TMPRSS11F: variants seen among roughly 807,000 people sequenced by gnomAD.
TMPRSS11F encodes transmembrane serine protease 11F.
A neutral mutation model predicts 60.2 loss-of-function variants in TMPRSS11F; 47 were observed. The ratio of observed to expected loss-of-function variants is 0.78; its 90% CI spans 0.62 to 1.00. The LOEUF is 1.00. TMPRSS11F is among the 50% of genes least tolerant of loss of function. TMPRSS11F has a pLI of 0.00. For synonymous variants in TMPRSS11F, 166 were observed against 167.3 expected, an observed-to-expected ratio of 0.99 and a Z score of 0.06; for missense variants, 519 against 522.9, an observed-to-expected ratio of 0.99 and a Z score of 0.07.
Position 68,079,029 on chromosome 4 carries a change from C to A in TMPRSS11F, c.283-5020G>T, listed in dbSNP as rs182627770. On this transcript the variant is annotated intron_variant, in intron 3 of 9. Transcript: ENST00000356291. ...AATGTGATATTAACAAACCATAGTC[C>A]CCCAATGCATCAACCTCTATTTAAA... 3.0e-3 allele frequency among the ~76,000 whole-genome samples: 289 copies of A among 97,786 alleles called. 11 individuals carry two copies. Among genetic ancestry groups the A allele is most frequent in the African/African-American group, 8.6e-3 (284 of 32,866 alleles). 64.2% of individuals were successfully genotyped at this position (97,786 alleles called of 152,430 possible).
Position 68,113,798 on chromosome 4 carries a change from A to G in TMPRSS11F, c.12-14760T>C, listed in dbSNP as rs189960623. Among the ~76,000 whole-genome samples the G allele has an allele frequency of 9.7e-4, 148 of 152,276 alleles. No homozygotes were observed. In the Middle Eastern group the frequency reaches 0.02, roughly 21 times the overall value. ...CCATCTTGACCTAGTTGACATTTATAGAACACTCCACCCAACAACAGCATA... is the reference window on the plus strand; with the variant it reads ...CCATCTTGACCTAGTTGACATTTATGGAACACTCCACCCAACAACAGCATA... On this transcript the variant is annotated intron_variant, in intron 1 of 9. Coordinates refer to ENST00000356291, the MANE Select transcript of TMPRSS11F (RefSeq NM_207407.2).
chr4:68,128,643 T>C (rs1724759666), intron 1 of TMPRSS11F, among the ~76,000 whole-genome samples: 1 of 152,134 alleles, frequency 6.6e-6, no homozygotes, highest in Admixed American at 6.5e-5. Flanking sequence ...TCCAAATTTT[T>C]CTAATTTTTT....
intron 1 of TMPRSS11F, among the ~76,000 whole-genome samples, chr4:68,102,309 G>A (rs572143843): frequency 2.1e-4 from 32 of 152,136 alleles, no homozygotes; most frequent in Non-Finnish European, 3.7e-4. Flanking sequence ...ACCAGATGAC[G>A]ATTTCATTTC....
At chr4:68,129,695 T>G in intron 1 of TMPRSS11F, 115 bp downstream of exon 1, 1 of 933,026 alleles carries the variant, frequency 1.1e-6, no homozygotes, top group Non-Finnish European at 1.6e-6. Context: ...TAACACACAT[T>G]AAAACTCTAA....
At chr4:68,058,313 A>T (rs1197462111) in intron 9 of TMPRSS11F, among the ~76,000 whole-genome samples, 1 of 152,244 alleles carries the variant, frequency 6.6e-6, no homozygotes, top group African/African-American at 2.4e-5. Flanking sequence ...ACATGTATCA[A>T]ATGTCACATT....
chr4:68,075,723 G>A (rs763592861), intron 3 of TMPRSS11F, among the ~76,000 whole-genome samples: 8 of 152,056 alleles, frequency 5.3e-5, no homozygotes, highest in African/African-American at 9.7e-5. Context: ...GGCTGGGTGC[G>A]GTGGCTCACA....
chr4:68,104,376 C>T (rs1375617826), intron 1 of TMPRSS11F, among the ~76,000 whole-genome samples: 1 of 152,122 alleles, frequency 6.6e-6, no homozygotes, highest in African/African-American at 2.4e-5. Flanking sequence ...ATTATCCCTA[C>T]ATGTCATAGG....
At chr4:68,076,539 T>C (rs965556283) in intron 3 of TMPRSS11F, among the ~76,000 whole-genome samples, 8 of 152,214 alleles carry the variant, frequency 5.3e-5, no homozygotes, top group Non-Finnish European at 1.0e-4. Flanking sequence ...ATAGTCTCTT[T>C]GTACCCTTTT....
intron 7 of TMPRSS11F, among the ~76,000 whole-genome samples, chr4:68,066,021 C>T (rs1723317828): frequency 6.7e-6 from 1 of 149,152 alleles, no homozygotes; most frequent in African/African-American, 2.5e-5. Flanking sequence ...GAAGCTGAGG[C>T]AGGAGAATCG....
At chr4:68,061,260 G>C (rs569144769) in intron 8 of TMPRSS11F, among the ~76,000 whole-genome samples, 1 of 152,126 alleles carries the variant, frequency 6.6e-6, no homozygotes, top group Non-Finnish European at 1.5e-5. Flanking sequence ...ACACTGTTCT[G>C]AGGAATCGTT....
intron 1 of TMPRSS11F, among the ~76,000 whole-genome samples, chr4:68,115,397 GT>G (rs1420500567): frequency 2.1e-5 from 3 of 142,450 alleles, no homozygotes; most frequent in East Asian, 4.2e-4. Context: ...AAGAAGAAAA[GT>G]TTCTCAAGCA....
intron 2 of TMPRSS11F, among the ~76,000 whole-genome samples, chr4:68,093,669 C>A (rs553269957): frequency 6.6e-6 from 1 of 151,682 alleles, no homozygotes; most frequent in East Asian, 1.9e-4. Flanking sequence ...GGCTAATATC[C>A]AGAATCTACA....
intron 3 of TMPRSS11F, among the ~76,000 whole-genome samples, chr4:68,075,869 T>C (rs1723572882): frequency 6.6e-6 from 1 of 151,888 alleles, no homozygotes; most frequent in South Asian, 2.1e-4. Flanking sequence ...GGTAGGCGCC[T>C]GTAGTCCCAG....
intron 7 of TMPRSS11F, among the ~76,000 whole-genome samples, chr4:68,066,477 G>A (rs1723330639): frequency 6.6e-6 from 1 of 152,148 alleles, no homozygotes; most frequent in Non-Finnish European, 1.5e-5. Flanking sequence ...CTGCTGGTTA[G>A]TGCCAAAAGG....
At chr4:68,087,905 T>C (rs1485045464) in intron 3 of TMPRSS11F, among the ~76,000 whole-genome samples, 2 of 129,444 alleles carry the variant, frequency 1.5e-5, no homozygotes, top group Non-Finnish European at 3.1e-5. Context: ...GAGTGTGATG[T>C]TCCCCTTCCT....
At chr4:68,079,559 G>A (rs1284086936) in intron 3 of TMPRSS11F, among the ~76,000 whole-genome samples, 1 of 152,054 alleles carries the variant, frequency 6.6e-6, no homozygotes, top group East Asian at 1.9e-4. Flanking sequence ...CCTAATGATT[G>A]TTATAACTAG....
chr4:68,072,443 G>A lies in TMPRSS11F; in HGVS notation c.394C>T (p.Arg132Ter), dbSNP rs764183886. 7 of 1,580,782 alleles carry A rather than the reference G, an allele frequency of 4.4e-6. No homozygotes were observed. The highest frequency in any genetic ancestry group is 3.4e-5 in the Admixed American group (2 of 58,742). Residue 132 changes from arginine to a stop codon, truncating the protein, a stop_gained, in exon 5 of 10, where the codon CGA becomes TGA. Transcript: ENST00000356291. LOFTEE classifies it high-confidence loss of function. ...GVDILIVLIF[R>*]YPSTDSAEQI... is the part of the protein sequence containing the mutation. ...TCAGCACTATCAGTAGATGGGTATC[G>A]AAATATGAGCACTATAAGAATATCC...
chr4:68,063,692 T>C (rs530375118), intron 8 of TMPRSS11F, among the ~76,000 whole-genome samples: 2 of 152,270 alleles, frequency 1.3e-5, no homozygotes, highest in South Asian at 4.1e-4. Flanking sequence ...TCTTTCTCTT[T>C]AACGTAGAGT....
intron 8 of TMPRSS11F, chr4:68,063,266 C>T (rs1236159354): frequency 3.5e-6 from 2 of 567,466 alleles, no homozygotes; most frequent in African/African-American, 1.9e-5. Context: ...CTTCAATCGC[C>T]ATGATGAGCT....
Sources: gnomAD v4.1 joint callset for allele counts (sites outside exome capture counted in the v4.1 genomes callset) on GRCh38, gnomAD v4.1.1 for gene constraint, MANE v1.5 for transcripts, NCBI Gene and HGNC (gene_info 2026-07-23, HGNC 2026-07-21) for gene names.